Variants in SDC2 observed in about 807,000 individuals in gnomAD.
SDC2 encodes syndecan-2.
SDC2 carries 13 observed loss-of-function variants against 22.2 expected under a neutral mutation model. The observed-to-expected ratio is 0.59, with a 90% CI of 0.38 to 0.93. The LOEUF is 0.93. Ranked by LOEUF, SDC2 falls within the 40% of genes least tolerant of loss-of-function variation. SDC2 has a pLI of 0.00. For missense variants in SDC2, 235 were observed against 246.8 expected, an observed-to-expected ratio of 0.95 and a Z score of 0.32; for synonymous variants, 94 against 92.8, an observed-to-expected ratio of 1.01 and a Z score of -0.07.
intron 1 of SDC2, among the ~76,000 whole-genome samples, chr8:96,526,298 G>T (rs750304271): frequency 7.2e-5 from 11 of 152,198 alleles, no homozygotes; most frequent in Admixed American, 3.3e-4. Flanking sequence ...TTGTAATGAA[G>T]CATCACAAAT....
rs150036218 is a variant in SDC2, at chr8:96,534,579, C to T, written c.60+40248C>T. On this transcript the variant is annotated intron_variant, in intron 1 of 4. Transcript: ENST00000302190. ...CCTCCTGAGTAGCCAAGACTATAGGCGCATACCACCATACCTGGCTATTTT... is the reference window on the plus strand; with the variant it reads ...CCTCCTGAGTAGCCAAGACTATAGGTGCATACCACCATACCTGGCTATTTT... Among the ~76,000 whole-genome samples the T allele has an allele frequency of 9.5e-3, 1,440 of 152,182 alleles. 17 individuals are homozygous for T. Among genetic ancestry groups the T allele is most frequent in the Non-Finnish European group, 0.014 (968 of 67,996 alleles).
At chr8:96,522,835 T>C (rs184062844) in intron 1 of SDC2, among the ~76,000 whole-genome samples, 109 of 152,250 alleles carry the variant, frequency 7.2e-4, no homozygotes, top group Non-Finnish European at 1.5e-3. Context: ...TGCTTCCAAA[T>C]TGTCACCCTG....
At chr8:96,512,191 G>T (rs1270027457) in intron 1 of SDC2, among the ~76,000 whole-genome samples, 1 of 152,188 alleles carries the variant, frequency 6.6e-6, no homozygotes, top group African/African-American at 2.4e-5. Flanking sequence ...TACTATGCGG[G>T]CTGGGAAATG....
chr8:96,554,296 T>C (rs747709138), intron 1 of SDC2, among the ~76,000 whole-genome samples: 1 of 152,194 alleles, frequency 6.6e-6, no homozygotes, highest in Non-Finnish European at 1.5e-5. Flanking sequence ...AAAGTTATAA[T>C]GCAAGTTAAC....
chr8:96,594,682 T>C (rs755217390), intron 2 of SDC2, among the ~76,000 whole-genome samples: 3 of 152,184 alleles, frequency 2.0e-5, no homozygotes, highest in Non-Finnish European at 4.4e-5. Context: ...CTGTATGAGT[T>C]CATTCTCACC....
chr8:96,566,526 T>A (rs1353711919), intron 1 of SDC2, among the ~76,000 whole-genome samples: 2 of 152,174 alleles, frequency 1.3e-5, no homozygotes, highest in African/African-American at 4.8e-5. Context: ...TGTGTTTTCA[T>A]GTCTAAAGAG....
chr8:96,570,175 G>T (rs761389316), intron 1 of SDC2, among the ~76,000 whole-genome samples: 2 of 152,182 alleles, frequency 1.3e-5, no homozygotes, highest in African/African-American at 2.4e-5. Flanking sequence ...AGATCCCGCA[G>T]CTGGTAAGTG....
At chr8:96,517,735 A>G (rs938579877) in intron 1 of SDC2, among the ~76,000 whole-genome samples, 2 of 142,434 alleles carry the variant, frequency 1.4e-5, no homozygotes, top group Non-Finnish European at 3.0e-5. Flanking sequence ...GTATGTATAT[A>G]TGTGTGTGCA....
At chr8:96,551,407 G>T (rs968348912) in intron 1 of SDC2, among the ~76,000 whole-genome samples, 1 of 152,166 alleles carries the variant, frequency 6.6e-6, no homozygotes, top group Non-Finnish European at 1.5e-5. Flanking sequence ...TGTTTACTAT[G>T]TGCCAAGTAC....
At chr8:96,602,898 C>T (rs145262440) in intron 3 of SDC2, among the ~76,000 whole-genome samples, 6 of 152,256 alleles carry the variant, frequency 3.9e-5, no homozygotes, top group South Asian at 4.1e-4. Context: ...TTGTAGGTTA[C>T]GTAATTAGAA....
intron 1 of SDC2, among the ~76,000 whole-genome samples, chr8:96,566,561 A>C (rs1387620570): frequency 6.6e-6 from 1 of 152,100 alleles, no homozygotes; most frequent in Non-Finnish European, 1.5e-5. Context: ...TCTCATACTT[A>C]TTAGTTTTAT....
chr8:96,608,306 A>T (rs572378592), intron 3 of SDC2, 29 bp from the exon 4 acceptor site: 3 of 1,602,154 alleles, frequency 1.9e-6, no homozygotes, highest in Non-Finnish European at 2.6e-6. Context: ...CCTTAAATCA[A>T]TGTAATCTTT....
chr8:96,501,034 C>T (rs1813152882), intron 1 of SDC2, among the ~76,000 whole-genome samples: 1 of 152,074 alleles, frequency 6.6e-6, no homozygotes, highest in Non-Finnish European at 1.5e-5. Flanking sequence ...TTATTAAAGA[C>T]ATGTTTTCAC....
At chr8:96,507,526 A>G (rs1020368729) in intron 1 of SDC2, among the ~76,000 whole-genome samples, 7 of 152,164 alleles carry the variant, frequency 4.6e-5, no homozygotes, top group African/African-American at 1.7e-4. Flanking sequence ...AAGACAGTTG[A>G]GAGGACTGAG....
intron 1 of SDC2, among the ~76,000 whole-genome samples, chr8:96,541,283 C>G (rs148644155): frequency 0.049 from 7,493 of 151,822 alleles, 566 homozygotes; most frequent in East Asian, 0.32. Flanking sequence ...TGAAAATTAG[C>G]TGGGTGTGGT....
At chr8:96,523,809 A>G (rs915255995) in intron 1 of SDC2, among the ~76,000 whole-genome samples, 6 of 152,176 alleles carry the variant, frequency 3.9e-5, no homozygotes, top group African/African-American at 1.4e-4. Flanking sequence ...TAATTGTGGG[A>G]AATTCTGCTA....
chr8:96,567,222 C>T (rs1386396720), intron 1 of SDC2, among the ~76,000 whole-genome samples: 1 of 152,198 alleles, frequency 6.6e-6, no homozygotes, highest in Middle Eastern at 3.2e-3. Flanking sequence ...ATAACAGTTT[C>T]TGTTCAAATG....
In SDC2 at chr8:96,609,775, T is replaced by C. The variant is rs1165999224; in HGVS notation, c.*227T>C. On this transcript the variant is annotated 3_prime_UTR_variant, in exon 5 of 5. Transcript: ENST00000302190. ...TGTGAATAGCAGTGGCAAAATATTA[T>C]GTTATGAAAACCCTCGATGTTCATG... 1.4e-5 allele frequency: 5 copies of C among 360,694 alleles called. No homozygotes were observed. Among genetic ancestry groups the C allele is most frequent in the East Asian group, 8.3e-5 (2 of 24,076 alleles). The allele number at this position is 360,694 out of a possible 1,614,324, so 22.3% of individuals were successfully genotyped here. A position where few individuals can be genotyped will look rare whatever the true frequency, so the allele number is the denominator to read the frequency against.
intron 1 of SDC2, among the ~76,000 whole-genome samples, chr8:96,527,268 A>G (rs957387073): frequency 8.5e-5 from 13 of 152,096 alleles, no homozygotes; most frequent in Non-Finnish European, 1.5e-4. Context: ...ATTTTGCTAT[A>G]GGGGAAACAC....
Sources: gnomAD v4.1 joint callset for allele counts (sites outside exome capture counted in the v4.1 genomes callset) on GRCh38, gnomAD v4.1.1 for gene constraint, MANE v1.5 for transcripts, NCBI Gene and HGNC (gene_info 2026-07-23, HGNC 2026-07-21) for gene names.